Variants in ABTB3 observed in about 807,000 individuals in gnomAD.
The protein encoded by ABTB3 is ankyrin repeat- and BTB/POZ domain-containing protein 3.
At chr12:107,626,658 A>G in the ABTB3 span, among the ~76,000 whole-genome samples, 3 of 152,214 alleles carry the variant, frequency 2.0e-5, no homozygotes, top group African/African-American at 7.2e-5. Flanking sequence ...GATCTCAGGT[A>G]CCCTCAAAGA....
chr12:107,503,756 C>CAAAAAAAAAAAAAA, the ABTB3 span, among the ~76,000 whole-genome samples: 186 of 70,532 alleles, frequency 2.6e-3, 2 homozygotes, highest in Middle Eastern at 8.9e-3. Context: ...GACCCTATCT[C>CAAAAAAAAAAAAAA]AAAAAAAAAA....
chr12:107,556,522 T>C, the ABTB3 span, among the ~76,000 whole-genome samples: 117 of 152,286 alleles, frequency 7.7e-4, no homozygotes, highest in African/African-American at 2.7e-3. Flanking sequence ...GTTCACCCTC[T>C]CAACTGCATC....
chr12:107,426,051 AG>A, the ABTB3 span, among the ~76,000 whole-genome samples: 1 of 151,638 alleles, frequency 6.6e-6, no homozygotes, highest in Admixed American at 6.6e-5. Flanking sequence ...ACCCCCAGCA[AG>A]GGGGACTCAC....
the ABTB3 span, among the ~76,000 whole-genome samples, chr12:107,332,903 T>C: frequency 1.9e-4 from 29 of 152,226 alleles, no homozygotes; most frequent in African/African-American, 6.8e-4. Flanking sequence ...CGACTCACAA[T>C]TCTTTATGTG....
the ABTB3 span, among the ~76,000 whole-genome samples, chr12:107,462,942 C>T: frequency 2.0e-4 from 30 of 148,354 alleles, no homozygotes; most frequent in East Asian, 2.5e-3. Context: ...GTGGTGATGA[C>T]GCTCTAGTGA....
chr12:107,510,616 G>A, the ABTB3 span, among the ~76,000 whole-genome samples: 2 of 151,992 alleles, frequency 1.3e-5, no homozygotes, highest in Admixed American at 6.6e-5. Context: ...TAAAGCATTC[G>A]GAAAGGTTTC....
chr12:107,482,809 TTTTC>T, the ABTB3 span, among the ~76,000 whole-genome samples: 910 of 151,606 alleles, frequency 6.0e-3, 24 homozygotes, highest in East Asian at 0.045. Flanking sequence ...CTCTCTTTTT[TTTTC>T]TTTCTTTCTT....
chr12:107,585,765 G>C, the ABTB3 span, among the ~76,000 whole-genome samples: 9 of 152,204 alleles, frequency 5.9e-5, no homozygotes, highest in African/African-American at 2.2e-4. Context: ...TATAATGACA[G>C]CTGGAAGTTC....
the ABTB3 span, among the ~76,000 whole-genome samples, chr12:107,373,858 G>A: frequency 6.6e-6 from 1 of 152,204 alleles, no homozygotes; most frequent in Non-Finnish European, 1.5e-5. Flanking sequence ...TTCATGCTCA[G>A]TAAATACTTG....
At chr12:107,547,478 G>C in the ABTB3 span, among the ~76,000 whole-genome samples, 3 of 152,166 alleles carry the variant, frequency 2.0e-5, no homozygotes, top group Admixed American at 2.0e-4. Flanking sequence ...AAGTCAAAAA[G>C]GACCTTCTAA....
chr12:107,541,356 C>A, the ABTB3 span, among the ~76,000 whole-genome samples: 249 of 152,338 alleles, frequency 1.6e-3, 6 homozygotes, highest in East Asian at 0.041. Flanking sequence ...AATGGGGGAG[C>A]CCCAACAGGG....
chr12:107,367,623 C>T, the ABTB3 span, among the ~76,000 whole-genome samples: 1 of 152,194 alleles, frequency 6.6e-6, no homozygotes, highest in Non-Finnish European at 1.5e-5. Flanking sequence ...TCTCGTGCCT[C>T]AGCCTCCGAG....
At chr12:107,456,585 A>G in the ABTB3 span, among the ~76,000 whole-genome samples, 6 of 152,218 alleles carry the variant, frequency 3.9e-5, no homozygotes, top group Non-Finnish European at 8.8e-5. Flanking sequence ...GATGAGTTGT[A>G]TAATTATTTC....
chr12:107,588,543 C>T, the ABTB3 span, among the ~76,000 whole-genome samples: 4 of 152,228 alleles, frequency 2.6e-5, no homozygotes, highest in South Asian at 8.3e-4. Context: ...TTGTTTGAGA[C>T]AGAGTCTTGC....
the ABTB3 span, among the ~76,000 whole-genome samples, chr12:107,428,449 C>A: frequency 6.6e-6 from 1 of 152,136 alleles, no homozygotes; most frequent in Admixed American, 6.5e-5. Flanking sequence ...GAAGTTAACA[C>A]CCCAGGAGCA....
the ABTB3 span, among the ~76,000 whole-genome samples, chr12:107,637,978 G>T: frequency 6.6e-6 from 1 of 152,084 alleles, no homozygotes; most frequent in Non-Finnish European, 1.5e-5. Flanking sequence ...AGGGAGGCAG[G>T]TTACCGAGCA....
At chr12:107,395,254 T>G in the ABTB3 span, among the ~76,000 whole-genome samples, 1 of 152,182 alleles carries the variant, frequency 6.6e-6, no homozygotes, top group Non-Finnish European at 1.5e-5. Flanking sequence ...GCTAACATTG[T>G]CAAAGGGTCT....
At chr12:107,578,446 G>A in the ABTB3 span, among the ~76,000 whole-genome samples, 1 of 127,056 alleles carries the variant, frequency 7.9e-6, no homozygotes. Flanking sequence ...GGCATTGGCC[G>A]TGTGCCCTGG....
the ABTB3 span, among the ~76,000 whole-genome samples, chr12:107,367,650 C>T: frequency 1.2e-4 from 18 of 152,140 alleles, no homozygotes; most frequent in East Asian, 2.3e-3. Flanking sequence ...GGACTATAGG[C>T]GAACGGCACC....
Sources: gnomAD v4.1 joint callset for allele counts (sites outside exome capture counted in the v4.1 genomes callset) on GRCh38, gnomAD v4.1.1 for gene constraint, MANE v1.5 for transcripts, NCBI Gene and HGNC (gene_info 2026-07-23, HGNC 2026-07-21) for gene names.